The following TAS2R1 variants were observed in gnomAD, a reference collection of about 807,000 sequenced individuals.
The protein encoded by TAS2R1 is taste 2 receptor member 1.
For missense variants in TAS2R1, 370 were observed against 353.4 expected, an observed-to-expected ratio of 1.05 and a Z score of -0.38; for synonymous variants, 141 against 134.2, an observed-to-expected ratio of 1.05 and a Z score of -0.35.
upstream of TAS2R1, among the ~76,000 whole-genome samples, chr5:9,634,990 A>C (rs116765862): frequency 0.024 from 3,634 of 152,070 alleles, 65 homozygotes; most frequent in Middle Eastern, 0.068. Context: ...ATGTTGAATG[A>C]AAGTGGTGAA....
upstream of TAS2R1, among the ~76,000 whole-genome samples, chr5:9,633,294 T>TATTATA (rs1476544403): frequency 3.0e-5 from 2 of 67,796 alleles, no homozygotes; most frequent in African/African-American, 1.4e-4. Context: ...TGTGTGTATA[T>TATTATA]TATATATATA....
intron 2 of TAS2R1, among the ~76,000 whole-genome samples, chr5:9,637,993 C>T (rs1186102171): frequency 1.3e-5 from 2 of 152,182 alleles, no homozygotes; most frequent in South Asian, 4.1e-4. Context: ...TGGGGTATTA[C>T]AGAAACCTGC....
chr5:9,784,214 T>TTC, the TAS2R1 span, among the ~76,000 whole-genome samples: 1 of 152,214 alleles, frequency 6.6e-6, no homozygotes, highest in Non-Finnish European at 1.5e-5. Flanking sequence ...AGCAGGAGTC[T>TTC]TTCTTCTGTC....
the TAS2R1 span, among the ~76,000 whole-genome samples, chr5:9,778,523 A>G: frequency 6.6e-6 from 1 of 152,240 alleles, no homozygotes; most frequent in African/African-American, 2.4e-5. Flanking sequence ...TCTTCTTCCA[A>G]TACAAGGTTG....
chr5:9,718,963 T>C, the TAS2R1 span, among the ~76,000 whole-genome samples: 2 of 152,120 alleles, frequency 1.3e-5, no homozygotes, highest in Non-Finnish European at 2.9e-5. Flanking sequence ...GACAACTAAA[T>C]GCCATGCCCA....
intron 1 of TAS2R1, among the ~76,000 whole-genome samples, chr5:9,679,868 T>G (rs1740961006): frequency 6.6e-6 from 1 of 152,208 alleles, no homozygotes; most frequent in African/African-American, 2.4e-5. Context: ...GCAGGTCTAA[T>G]GAAACAACAT....
At chr5:9,760,028 C>T in the TAS2R1 span, among the ~76,000 whole-genome samples, 6 of 152,186 alleles carry the variant, frequency 3.9e-5, no homozygotes, top group African/African-American at 1.2e-4. Context: ...GGGGTCATAA[C>T]TACCAGTCCT....
At chr5:9,854,975 T>C in the TAS2R1 span, among the ~76,000 whole-genome samples, 1 of 152,248 alleles carries the variant, frequency 6.6e-6, no homozygotes, top group Non-Finnish European at 1.5e-5. Flanking sequence ...GAGAAGTTTA[T>C]TCATTCCATT....
chr5:9,837,157 T>C, the TAS2R1 span, among the ~76,000 whole-genome samples: 1 of 152,264 alleles, frequency 6.6e-6, no homozygotes, highest in African/African-American at 2.4e-5. Context: ...GACTACAACA[T>C]ACATGCACAT....
chr5:9,883,040 T>C, the TAS2R1 span, among the ~76,000 whole-genome samples: 1 of 152,096 alleles, frequency 6.6e-6, no homozygotes, highest in Non-Finnish European at 1.5e-5. Flanking sequence ...AAATACTAGG[T>C]AGCCATAAAA....
chr5:9,728,163 C>T, the TAS2R1 span, among the ~76,000 whole-genome samples: 2 of 152,072 alleles, frequency 1.3e-5, no homozygotes, highest in Non-Finnish European at 2.9e-5. Context: ...TTTCTACCAC[C>T]CCAATAGAAT....
At chr5:9,790,409 T>C in the TAS2R1 span, among the ~76,000 whole-genome samples, 1 of 152,310 alleles carries the variant, frequency 6.6e-6, no homozygotes, top group South Asian at 2.1e-4. Flanking sequence ...ATGACTCAAC[T>C]GAAGCCACAT....
the TAS2R1 span, among the ~76,000 whole-genome samples, chr5:9,844,344 A>G: frequency 6.6e-6 from 1 of 152,166 alleles, no homozygotes; most frequent in African/African-American, 2.4e-5. Context: ...TCTTCATCTC[A>G]TGCTATGCCC....
the TAS2R1 span, among the ~76,000 whole-genome samples, chr5:9,739,706 C>T: frequency 5.9e-5 from 9 of 152,306 alleles, no homozygotes; most frequent in South Asian, 6.2e-4. Context: ...TCAACGCTTA[C>T]GCTCTCTTTC....
the TAS2R1 span, among the ~76,000 whole-genome samples, chr5:9,755,538 G>T: frequency 7.1e-6 from 1 of 140,318 alleles, no homozygotes; most frequent in Non-Finnish European, 1.5e-5. Context: ...AGTGAGCCAA[G>T]ATCGTGCCAT....
At chr5:9,771,115 A>G in the TAS2R1 span, among the ~76,000 whole-genome samples, 4 of 152,138 alleles carry the variant, frequency 2.6e-5, no homozygotes, top group African/African-American at 9.7e-5. Context: ...GGGATGTTTA[A>G]TTTTATAAAC....
At chr5:9,674,920 A>T (rs1254763163) in intron 1 of TAS2R1, among the ~76,000 whole-genome samples, 2 of 152,052 alleles carry the variant, frequency 1.3e-5, no homozygotes, top group African/African-American at 2.4e-5. Flanking sequence ...ATAAAACTGT[A>T]GCTGACATTC....
intron 2 of TAS2R1, among the ~76,000 whole-genome samples, chr5:9,640,528 C>T (rs1257042315): frequency 2.1e-5 from 2 of 96,914 alleles, no homozygotes; most frequent in Non-Finnish European, 4.3e-5. Context: ...AAAAACAGTA[C>T]CTGTAAAGCA....
chr5:9,684,855 G>C (rs1199714578), intron 1 of TAS2R1, among the ~76,000 whole-genome samples: 2 of 118,588 alleles, frequency 1.7e-5, no homozygotes, highest in African/African-American at 5.4e-5. Flanking sequence ...TCAACTAAAA[G>C]TTAAAGGAAA....
Sources: gnomAD v4.1 joint callset for allele counts (sites outside exome capture counted in the v4.1 genomes callset) on GRCh38, gnomAD v4.1.1 for gene constraint, MANE v1.5 for transcripts, NCBI Gene and HGNC (gene_info 2026-07-23, HGNC 2026-07-21) for gene names.